The following TNR variants were observed in gnomAD, a reference collection of about 807,000 sequenced individuals.
TNR encodes tenascin R.
A neutral mutation model predicts 150.4 loss-of-function variants in TNR; 45 were observed. The ratio of observed to expected loss-of-function variants is 0.30; its 90% CI spans 0.24 to 0.38. The LOEUF (loss-of-function observed/expected upper bound fraction) is 0.38. TNR is among the 10% of genes least tolerant of loss of function. The pLI, the probability that TNR is intolerant of heterozygous loss-of-function variation, is 1.00. For missense variants in TNR, 1,544 were observed against 1,759.1 expected, an observed-to-expected ratio of 0.88 and a Z score of 2.19; for synonymous variants, 687 against 678.4, an observed-to-expected ratio of 1.01 and a Z score of -0.20.
chr1:175,331,958 A>G (rs1649956659), intron 20 of TNR, among the ~76,000 whole-genome samples: 1 of 152,124 alleles, frequency 6.6e-6, no homozygotes, highest in Non-Finnish European at 1.5e-5. Flanking sequence ...AGGCTGTTTG[A>G]CTGCTGTTTG....
intron 2 of TNR, among the ~76,000 whole-genome samples, chr1:175,465,830 C>A (rs1326677841): frequency 6.6e-6 from 1 of 152,182 alleles, no homozygotes; most frequent in Non-Finnish European, 1.5e-5. Context: ...CCCTCAAGCC[C>A]CCCTCCTCTT....
rs116330769 is a variant in TNR at position 175,615,711 on chromosome 1, G to A, written c.-164-87342C>T. On this transcript the variant is annotated intron_variant, in intron 1 of 22. Coordinates refer to ENST00000367674, the MANE Select transcript of TNR (RefSeq NM_003285.3). ...GTAGAGAGGAGCATGGAGATTAAGC[G>A]GAGCCTTCCAATTGTGCAGTGGTAC... Among the ~76,000 whole-genome samples the A allele has an allele frequency of 5.4e-3, 817 of 152,238 alleles. 8 individuals carry two copies. Among genetic ancestry groups the A allele is most frequent in the Non-Finnish European group, 4.0e-3 (269 of 68,018 alleles).
intron 1 of TNR, among the ~76,000 whole-genome samples, chr1:175,577,423 C>T (rs889032775): frequency 7.2e-5 from 11 of 152,236 alleles, no homozygotes; most frequent in Admixed American, 4.6e-4. Context: ...GTTCCATTTC[C>T]GGGATCTCCC....
At chr1:175,725,964 G>T (rs1314973500) in intron 1 of TNR, among the ~76,000 whole-genome samples, 1 of 152,134 alleles carries the variant, frequency 6.6e-6, no homozygotes, top group Non-Finnish European at 1.5e-5. Flanking sequence ...ATGATGGGAG[G>T]AAGCATTAGA....
At chr1:175,568,539 T>C (rs774234832) in intron 1 of TNR, among the ~76,000 whole-genome samples, 2 of 152,206 alleles carry the variant, frequency 1.3e-5, no homozygotes, top group Non-Finnish European at 2.9e-5. Flanking sequence ...CTTGTCTGCC[T>C]CTTTGCACTA....
intron 2 of TNR, among the ~76,000 whole-genome samples, chr1:175,483,205 T>C (rs1333159122): frequency 2.0e-5 from 3 of 152,114 alleles, no homozygotes; most frequent in African/African-American, 7.2e-5. Flanking sequence ...AGTCAAGAGA[T>C]GGTTAAGACA....
chr1:175,675,737 C>G (rs904844017), intron 1 of TNR, among the ~76,000 whole-genome samples: 1 of 152,202 alleles, frequency 6.6e-6, no homozygotes, highest in Non-Finnish European at 1.5e-5. Flanking sequence ...CACTCTCCCC[C>G]TGAGGTCTAA....
At chr1:175,336,568 C>T (rs1231693264) in intron 19 of TNR, among the ~76,000 whole-genome samples, 1 of 152,216 alleles carries the variant, frequency 6.6e-6, no homozygotes, top group Non-Finnish European at 1.5e-5. Flanking sequence ...GGTGGGAACT[C>T]CCGGCTGCTC....
chr1:175,453,801 G>A (rs1191175147), intron 2 of TNR, among the ~76,000 whole-genome samples: 1 of 152,126 alleles, frequency 6.6e-6, no homozygotes, highest in Non-Finnish European at 1.5e-5. Flanking sequence ...TCGAATTCCT[G>A]GCTTCAAGTG....
At chr1:175,373,238 A>G (rs369900333) in intron 9 of TNR, among the ~76,000 whole-genome samples, 24 of 152,246 alleles carry the variant, frequency 1.6e-4, no homozygotes, top group African/African-American at 5.8e-4. Flanking sequence ...AGCTCTGGCA[A>G]AATAATTCAT....
At chr1:175,655,061 C>G (rs1182666108) in intron 1 of TNR, among the ~76,000 whole-genome samples, 1 of 152,124 alleles carries the variant, frequency 6.6e-6, no homozygotes, top group African/African-American at 2.4e-5. Flanking sequence ...ATCTCTTCCT[C>G]CTTTGACTCC....
chr1:175,376,860 TTATA>T (rs371694471), intron 9 of TNR, among the ~76,000 whole-genome samples: 5 of 113,706 alleles, frequency 4.4e-5, no homozygotes, highest in South Asian at 2.8e-4. Context: ...AAATGTAATA[TTATA>T]TATATATATA....
intron 6 of TNR, among the ~76,000 whole-genome samples, chr1:175,392,706 T>C (rs1653236268): frequency 6.6e-6 from 1 of 152,160 alleles, no homozygotes; most frequent in Non-Finnish European, 1.5e-5. Flanking sequence ...AATAAGAAAA[T>C]GGGGCATACA....
chr1:175,542,397 T>A (rs1427622395), intron 1 of TNR, among the ~76,000 whole-genome samples: 1 of 152,202 alleles, frequency 6.6e-6, no homozygotes, highest in Non-Finnish European at 1.5e-5. Flanking sequence ...TGTCTCATCA[T>A]GTAGCTGCCC....
At chr1:175,713,615 T>C (rs1388713050) in intron 1 of TNR, among the ~76,000 whole-genome samples, 3 of 152,200 alleles carry the variant, frequency 2.0e-5, no homozygotes, top group East Asian at 3.9e-4. Context: ...GCTTCAATCA[T>C]CACCAAAACC....
At chr1:175,582,264 C>A (rs539900090) in intron 1 of TNR, among the ~76,000 whole-genome samples, 21 of 152,268 alleles carry the variant, frequency 1.4e-4, no homozygotes, top group African/African-American at 4.8e-4. Flanking sequence ...TTTTTGAGTT[C>A]TTGAAAGCCA....
chr1:175,740,423 T>C (rs1667894879), intron 1 of TNR, among the ~76,000 whole-genome samples: 1 of 147,448 alleles, frequency 6.8e-6, no homozygotes. Context: ...ACAAATTATA[T>C]GTCATTTTTT....
chr1:175,668,536 C>T (rs986294446), intron 1 of TNR, among the ~76,000 whole-genome samples: 6 of 152,118 alleles, frequency 3.9e-5, no homozygotes, highest in South Asian at 2.1e-4. Context: ...GGAGGTAGAA[C>T]GATGCAAGTG....
At chr1:175,625,238 A>G (rs1664111425) in intron 1 of TNR, among the ~76,000 whole-genome samples, 1 of 152,342 alleles carries the variant, frequency 6.6e-6, no homozygotes, top group South Asian at 2.1e-4. Context: ...TGTGAAAAAC[A>G]ACAGTGTGAT....
Sources: gnomAD v4.1 joint callset for allele counts (sites outside exome capture counted in the v4.1 genomes callset) on GRCh38, gnomAD v4.1.1 for gene constraint, MANE v1.5 for transcripts, NCBI Gene and HGNC (gene_info 2026-07-23, HGNC 2026-07-21) for gene names.